CCDC33: variants seen among roughly 807,000 people sequenced by gnomAD.
CCDC33 encodes the protein coiled-coil domain containing 33, also known as coiled-coil domain-containing protein 33.
In CCDC33, 94 loss-of-function variants were observed where a neutral mutation model predicts 91.9. The ratio of observed to expected loss-of-function variants is 1.02; its 90% CI spans 0.87 to 1.21. The LOEUF (loss-of-function observed/expected upper bound fraction) is 1.21. Among genes scored for constraint, CCDC33 ranks in the 50% most tolerant of loss-of-function variants. The probability of loss-of-function intolerance (pLI) is 0.00; values close to 1 mark genes in which losing one functional copy is unlikely to be tolerated. For synonymous variants in CCDC33, 396 were observed against 374.5 expected (o/e 1.06, Z -0.66); for missense variants, 940 against 935.5 (o/e 1.00, Z -0.06).
intron 11 of CCDC33, among the ~76,000 whole-genome samples, chr15:74,309,838 T>C (rs1424228592): frequency 1.3e-5 from 2 of 152,028 alleles, no homozygotes; most frequent in East Asian, 3.9e-4. Flanking sequence ...GGACTTTAAG[T>C]ATGAGGGGAA....
intron 6 of CCDC33, among the ~76,000 whole-genome samples, chr15:74,272,285 G>A (rs768401079): frequency 1.2e-4 from 19 of 152,126 alleles, no homozygotes; most frequent in Non-Finnish European, 2.6e-4. Context: ...CCTGCCGGGC[G>A]GAGTCTCCTC....
chr15:74,285,819 C>T (rs940788063), intron 10 of CCDC33, among the ~76,000 whole-genome samples: 3 of 152,074 alleles, frequency 2.0e-5, no homozygotes, highest in African/African-American at 7.3e-5. Context: ...TAGGTGAGTA[C>T]GTATATGAAC....
chr15:74,332,845 G>C lies in CCDC33; in HGVS notation c.1938G>C (p.Pro646=), dbSNP rs761254676. 4.3e-6 allele frequency: 7 copies of C among 1,613,492 alleles called. No individual in the cohort carries two copies. The South Asian group carries it at 7.7e-5, about 18-fold the overall frequency. ...APIILQQQAL[P]DLLSGTSDKF... ...TCATTCTGCAGCAACAGGCCCTGCCGGTAAGAGGCCCTTGACCTGGGCCTG... is the reference window on the plus strand; with the variant it reads ...TCATTCTGCAGCAACAGGCCCTGCCCGTAAGAGGCCCTTGACCTGGGCCTG... Residue 646 remains proline, a splice_region_variant and synonymous_variant, in exon 16 of 19, where the codon CCG becomes CCC. Coordinates refer to ENST00000398814, the MANE Select transcript of CCDC33 (RefSeq NM_025055.5).
At chr15:74,246,243 G>A (rs1254196390) in intron 2 of CCDC33, among the ~76,000 whole-genome samples, 1 of 152,208 alleles carries the variant, frequency 6.6e-6, no homozygotes, top group Non-Finnish European at 1.5e-5. Flanking sequence ...CAGGGGAAAG[G>A]CTCCTTTACA....
intron 10 of CCDC33, among the ~76,000 whole-genome samples, chr15:74,285,385 G>A (rs1169834578): frequency 6.6e-6 from 1 of 152,138 alleles, no homozygotes; most frequent in African/African-American, 2.4e-5. Context: ...GCCCACACTG[G>A]ACAGCAATCT....
intron 1 of CCDC33, among the ~76,000 whole-genome samples, chr15:74,206,216 C>G (rs2074258429): frequency 6.6e-6 from 1 of 152,210 alleles, no homozygotes; most frequent in South Asian, 2.1e-4. Flanking sequence ...CACCTGCCCC[C>G]TCCTGGCCCC....
chr15:74,298,617 A>G (rs2059733508), intron 11 of CCDC33, among the ~76,000 whole-genome samples: 2 of 151,760 alleles, frequency 1.3e-5, no homozygotes, highest in African/African-American at 2.4e-5. Context: ...TCAGCTCACC[A>G]CAACATCCGC....
At chr15:74,223,694 T>G (rs2074679673) in intron 2 of CCDC33, among the ~76,000 whole-genome samples, 1 of 117,128 alleles carries the variant, frequency 8.5e-6, no homozygotes, top group African/African-American at 2.7e-5. Flanking sequence ...GGCAGCATGC[T>G]TCTGCTGAGG....
intron 2 of CCDC33, among the ~76,000 whole-genome samples, chr15:74,230,737 G>A (rs931290456): frequency 1.7e-4 from 26 of 152,096 alleles, no homozygotes; most frequent in Admixed American, 1.4e-3. Context: ...CTCACTGTGG[G>A]GCTGCCTACC....
chr15:74,247,498 ATAT>A (rs1431373185), intron 2 of CCDC33, among the ~76,000 whole-genome samples: 3 of 152,172 alleles, frequency 2.0e-5, no homozygotes, highest in African/African-American at 7.2e-5. Context: ...ACACAATGTA[ATAT>A]TATTCAGCCA....
In CCDC33 at chr15:74,330,987, G is replaced by T; in HGVS notation, c.1552G>T (p.Asp518Tyr). ...CTCCTCCCCCATCTCACAGAAGAATGATCGAGAGAAGGAGCTGCTCCTTCT... is the reference window on the plus strand; with the variant it reads ...CTCCTCCCCCATCTCACAGAAGAATTATCGAGAGAAGGAGCTGCTCCTTCT... ...HLQNELIRKN[D>Y]REKELLLLYQ... Residue 518 changes from aspartate (D) to tyrosine (Y), a missense_variant, in exon 14 of 19, where the codon GAT (aspartate) becomes TAT (tyrosine). Asp to Tyr is a radical substitution (Grantham distance 160, BLOSUM62 -3). Transcript: ENST00000398814. 6.3e-7 allele frequency: 1 copy of T among 1,585,796 alleles called. No homozygotes were observed. Among genetic ancestry groups the T allele is most frequent in the South Asian group, 1.2e-5 (1 of 86,252 alleles).
intron 2 of CCDC33, among the ~76,000 whole-genome samples, chr15:74,222,236 A>G (rs1386433943): frequency 1.3e-5 from 2 of 152,192 alleles, no homozygotes; most frequent in Non-Finnish European, 2.9e-5. Context: ...TCCCACTGGC[A>G]TAGCTGTTCA....
At chr15:74,267,857 C>T (rs2076208815) in intron 4 of CCDC33, among the ~76,000 whole-genome samples, 1 of 152,210 alleles carries the variant, frequency 6.6e-6, no homozygotes, top group African/African-American at 2.4e-5. Flanking sequence ...CATCCCTCCT[C>T]CGGGCCAGCA....
chr15:74,219,088 G>A (rs2074521708), intron 2 of CCDC33, among the ~76,000 whole-genome samples: 1 of 152,230 alleles, frequency 6.6e-6, no homozygotes, highest in African/African-American at 2.4e-5. Context: ...AGAGCAGGGA[G>A]CCAACCAAGT....
In CCDC33 at chr15:74,244,456, G is replaced by C. The variant is rs1322613929; in HGVS notation, c.185+308G>C. 6.6e-6 allele frequency among the ~76,000 whole-genome samples: 1 copy of C among 152,104 alleles called. No individual in the cohort carries two copies. The highest frequency in any genetic ancestry group is 1.5e-5 in the Non-Finnish European group (1 of 68,010). On this transcript the variant is annotated intron_variant, in intron 2 of 18. Coordinates refer to ENST00000398814, the MANE Select transcript of CCDC33 (RefSeq NM_025055.5). This position sits in a 1 kb window ranked among gnomAD's most constrained non-coding sequence, Gnocchi z 4.2. ...TTCCTTGTATGCAAAAGTCTGGGCT[G>C]GGCTCATGGGCATGATGGTCAGATT...
chr15:74,258,629 T>G (rs1398773120), intron 2 of CCDC33, among the ~76,000 whole-genome samples: 1 of 152,116 alleles, frequency 6.6e-6, no homozygotes, highest in Non-Finnish European at 1.5e-5. Flanking sequence ...TGTATGTGTG[T>G]GTGCATGCAT....
At chr15:74,230,832 T>TG (rs1422543992) in intron 2 of CCDC33, among the ~76,000 whole-genome samples, 1 of 152,200 alleles carries the variant, frequency 6.6e-6, no homozygotes, top group East Asian at 1.9e-4. Flanking sequence ...AGATGAGGAA[T>TG]GGGAGGCTCT....
intron 10 of CCDC33, 34 bp downstream of exon 10, chr15:74,281,883 G>A (rs1330331771): frequency 6.3e-7 from 1 of 1,578,072 alleles, no homozygotes; most frequent in Non-Finnish European, 8.7e-7. Flanking sequence ...GTCAGGGCCA[G>A]CAGGCACATG....
intron 2 of CCDC33, among the ~76,000 whole-genome samples, chr15:74,222,773 C>T (rs539069743): frequency 1.0e-3 from 150 of 149,586 alleles, no homozygotes; most frequent in Non-Finnish European, 1.8e-3. Context: ...CTCGGCCACC[C>T]CTACCCCCAT....
Sources: gnomAD v4.1 joint callset for allele counts (sites outside exome capture counted in the v4.1 genomes callset) on GRCh38, gnomAD v4.1.1 for gene constraint, Gnocchi (gnomAD v3.1) non-coding constraint, MANE v1.5 for transcripts, NCBI Gene and HGNC (gene_info 2026-07-23, HGNC 2026-07-21) for gene names.